The following AIM2 variants were observed in gnomAD, a reference collection of about 807,000 sequenced individuals.
AIM2 encodes absent in melanoma 2, also known as interferon-inducible protein AIM2.
AIM2 carries 30 observed loss-of-function variants against 27.7 expected under a neutral mutation model. That is an observed-to-expected ratio of 1.08 (90% CI 0.81 to 1.47). AIM2 has a LOEUF of 1.47. AIM2 is among the 40% of genes most tolerant of loss of function. The pLI is 0.00. For synonymous variants in AIM2, 141 were observed against 145.3 expected, an observed-to-expected ratio of 0.97 and a Z score of 0.21; for missense variants, 358 against 411.3, an observed-to-expected ratio of 0.87 and a Z score of 1.12.
At chr1:159,060,535 T>C (rs1230105967), downstream of AIM2, among the ~76,000 whole-genome samples, 2 of 152,204 alleles carry the variant, frequency 1.3e-5, no homozygotes, top group Non-Finnish European at 1.5e-5. Flanking sequence ...AACAAAAATT[T>C]CCTTCCTGCT....
intron 1 of AIM2, among the ~76,000 whole-genome samples, chr1:159,082,418 G>T (rs1457360281): frequency 6.6e-6 from 1 of 152,160 alleles, no homozygotes; most frequent in African/African-American, 2.4e-5. Context: ...GGAAGTCCAA[G>T]ATCAAGGTAC....
rs968937055 is a variant in AIM2, at chr1:159,068,454, C to A, written c.396+114G>T. 3.6e-6 allele frequency: 5 copies of A among 1,378,614 alleles called. No homozygotes were observed. The African/African-American group carries it at 5.9e-5, about 16-fold the overall frequency. 85.4% of individuals were successfully genotyped at this position (1,378,614 alleles called of 1,614,324 possible). On this transcript the variant is annotated intron_variant, in intron 3 of 5. Coordinates refer to ENST00000368130, the MANE Select transcript of AIM2 (RefSeq NM_004833.3). Reference sequence around the variant, plus strand: ...ACTCAGAATGCTTTTCATGCTGTGGCCTTGCTTCCCTTATTTGCATGCTGT... The same window carrying A: ...ACTCAGAATGCTTTTCATGCTGTGGACTTGCTTCCCTTATTTGCATGCTGT...
At chr1:159,111,830 TC>T in intron 1 of AIM2, among the ~76,000 whole-genome samples, 2 of 119,162 alleles carry the variant, frequency 1.7e-5, no homozygotes, top group South Asian at 5.3e-4. Context: ...TATCTATCTA[TC>T]ATCTATCTAT....
intron 1 of AIM2, among the ~76,000 whole-genome samples, chr1:159,118,370 T>A (rs1647439374): frequency 6.6e-6 from 1 of 152,176 alleles, no homozygotes. Flanking sequence ...CATACCTGTG[T>A]CTCCTGTACT....
Position 159,065,979 on chromosome 1 carries a change from G to A in AIM2, c.747C>T (p.Thr249=). The change falls in exon 4 of 6, where the codon ACC becomes ACT. Residue 249 remains threonine (T), a synonymous_variant. Transcript: ENST00000368130. ...GAGTTTGAAGCGTGTTGATCTTCGG[G>A]GTTTCACCAGCTTTTCTGATAATGT... ...PLNIIRKAGE[T]PKINTLQTQP... 1 of 1,613,978 alleles carries A rather than the reference G, an allele frequency of 6.2e-7. No individual in the cohort carries two copies. Among genetic ancestry groups the A allele is most frequent in the South Asian group, 1.1e-5 (1 of 91,068 alleles).
At chr1:159,138,640 T>G in intron 1 of AIM2, among the ~76,000 whole-genome samples, 1 of 152,218 alleles carries the variant, frequency 6.6e-6, no homozygotes, top group East Asian at 1.9e-4. Context: ...GATGAATATT[T>G]GTTAAATAAG....
chr1:159,126,107 CTT>C (rs1647677565), intron 1 of AIM2, among the ~76,000 whole-genome samples: 1 of 152,164 alleles, frequency 6.6e-6, no homozygotes, highest in African/African-American at 2.4e-5. Flanking sequence ...ACTTGAATCT[CTT>C]GTTTTCTGAC....
At chr1:159,068,871 A>C (rs1162259569) in intron 2 of AIM2, among the ~76,000 whole-genome samples, 170 bp from the exon 3 acceptor site, 1 of 152,198 alleles carries the variant, frequency 6.6e-6, no homozygotes, top group East Asian at 1.9e-4. Flanking sequence ...TGGACCTGGC[A>C]CAGACACCAG....
downstream of AIM2, among the ~76,000 whole-genome samples, chr1:159,059,137 AAAT>A (rs1345407401): frequency 6.6e-6 from 1 of 152,220 alleles, no homozygotes; most frequent in African/African-American, 2.4e-5. Context: ...TCAAAGAGTG[AAAT>A]AATAAAAACG....
upstream of AIM2, among the ~76,000 whole-genome samples, chr1:159,077,147 C>A (rs1038336008): frequency 6.6e-6 from 1 of 152,160 alleles, no homozygotes; most frequent in Admixed American, 6.5e-5. Context: ...GAGACCCAAG[C>A]GAAAGTATAG....
At chr1:159,125,185 A>T (rs772429787) in intron 1 of AIM2, among the ~76,000 whole-genome samples, 3 of 152,218 alleles carry the variant, frequency 2.0e-5, no homozygotes, top group Non-Finnish European at 2.9e-5. Flanking sequence ...AATCGTGACC[A>T]TTATGAGAGG....
chr1:159,097,472 A>T (rs1276407879), intron 1 of AIM2, among the ~76,000 whole-genome samples: 1 of 152,160 alleles, frequency 6.6e-6, no homozygotes, highest in African/African-American at 2.4e-5. Flanking sequence ...GGACACACAC[A>T]ATTTCACAGC....
chr1:159,126,398 A>G (rs1647686891), intron 1 of AIM2, among the ~76,000 whole-genome samples: 4 of 152,206 alleles, frequency 2.6e-5, no homozygotes. Context: ...CTGTAATCCC[A>G]GCACTTTGGG....
At chr1:159,065,123 T>C (rs1222900087) in intron 4 of AIM2, among the ~76,000 whole-genome samples, 1 of 152,190 alleles carries the variant, frequency 6.6e-6, no homozygotes, top group Non-Finnish European at 1.5e-5. Flanking sequence ...TCTGAGGCTC[T>C]GAATGCAGGG....
intron 1 of AIM2, among the ~76,000 whole-genome samples, chr1:159,117,452 G>T (rs537442448): frequency 2.2e-4 from 34 of 152,228 alleles, no homozygotes; most frequent in African/African-American, 6.7e-4. Flanking sequence ...AATAAATTTT[G>T]TATCCAAGAT....
At chr1:159,080,965 T>A (rs1331586457), upstream of AIM2, among the ~76,000 whole-genome samples, 2 of 152,124 alleles carry the variant, frequency 1.3e-5, no homozygotes, top group East Asian at 3.8e-4. Context: ...ATGAAAGCAT[T>A]TGTTCACAAA....
At chr1:159,087,530 T>C (rs1055341010) in intron 1 of AIM2, among the ~76,000 whole-genome samples, 1 of 152,062 alleles carries the variant, frequency 6.6e-6, no homozygotes, top group Admixed American at 6.6e-5. Flanking sequence ...ATCTGTGTGT[T>C]ATAAAAAGCA....
rs140360716 is a variant in AIM2, at chr1:159,130,943, G to A, written c.-16+9488C>T. On this transcript the variant is annotated intron_variant, in intron 1 of 2. Transcript: ENST00000368129. ...TCAGTTCCTCCACAATCTGGCTCTC[G>A]GCATTAGATGTCAGTCTCACAGACT... Among the ~76,000 whole-genome samples, 419 of 151,836 alleles carry A rather than the reference G, an allele frequency of 2.8e-3. 2 individuals carry two copies. Among genetic ancestry groups the A allele is most frequent in the African/African-American group, 9.5e-3 (391 of 41,354 alleles).
downstream of AIM2, among the ~76,000 whole-genome samples, chr1:159,060,758 G>A (rs1368470893): frequency 6.6e-6 from 1 of 152,158 alleles, no homozygotes; most frequent in Admixed American, 6.5e-5. Flanking sequence ...ATTCAATTAT[G>A]TGGATCTACC....
Sources: gnomAD v4.1 joint callset for allele counts (sites outside exome capture counted in the v4.1 genomes callset) on GRCh38, gnomAD v4.1.1 for gene constraint, MANE v1.5 for transcripts, NCBI Gene and HGNC (gene_info 2026-07-23, HGNC 2026-07-21) for gene names.